CD72: variants seen among roughly 807,000 people sequenced by gnomAD.
CD72 encodes CD72 molecule.
A neutral mutation model predicts 50.7 loss-of-function variants in CD72; 28 were observed. That is an observed-to-expected ratio of 0.55 (90% CI 0.41 to 0.76). The LOEUF is 0.76. CD72 is among the 30% of genes least tolerant of loss of function. CD72 has a pLI of 0.00. For synonymous variants in CD72, 176 were observed against 171.2 expected (o/e 1.03, Z -0.22); for missense variants, 403 against 420.6 (o/e 0.96, Z 0.37).
At chr9:35,636,092 C>G (rs1223334592) in intron 1 of CD72, among the ~76,000 whole-genome samples, 4 of 152,122 alleles carry the variant, frequency 2.6e-5, no homozygotes, top group African/African-American at 9.7e-5. Context: ...ATTTCTCACC[C>G]TCAGCACTAT....
intron 4 of CD72, 79 bp downstream of exon 4, chr9:35,616,521 T>C: frequency 1.7e-6 from 2 of 1,199,812 alleles, no homozygotes; most frequent in African/African-American, 1.5e-5. Context: ...TGATCCCTGC[T>C]GAGGAAGATC....
chr9:35,624,684 G>C (rs915864490), intron 1 of CD72, among the ~76,000 whole-genome samples: 2 of 152,140 alleles, frequency 1.3e-5, no homozygotes, highest in Admixed American at 6.5e-5. Context: ...TTTACAGGTT[G>C]AAGGTTTATG....
At chr9:35,631,151 AT>A (rs1228646574) in intron 1 of CD72, among the ~76,000 whole-genome samples, 31 of 152,106 alleles carry the variant, frequency 2.0e-4, no homozygotes, top group African/African-American at 7.5e-4. Flanking sequence ...AAAACAATTT[AT>A]TTTCATTATA....
intron 1 of CD72, among the ~76,000 whole-genome samples, chr9:35,635,818 C>T (rs2131786607): frequency 6.6e-6 from 1 of 152,302 alleles, no homozygotes; most frequent in East Asian, 1.9e-4. Flanking sequence ...ATTCTCTCTG[C>T]TTGGAGCCCA....
upstream of CD72, among the ~76,000 whole-genome samples, chr9:35,620,103 C>T (rs1823131611): frequency 6.6e-6 from 1 of 151,774 alleles, no homozygotes; most frequent in Non-Finnish European, 1.5e-5. Context: ...CTGTGGTGTA[C>T]AGGGGGTGGG....
At chr9:35,622,965 G>A (rs1006154384), upstream of CD72, among the ~76,000 whole-genome samples, 1 of 152,036 alleles carries the variant, frequency 6.6e-6, no homozygotes, top group Non-Finnish European at 1.5e-5. Context: ...AAATTAGGCA[G>A]GTGTGATGGC....
At chr9:35,629,523 C>G (rs1478005823) in intron 1 of CD72, among the ~76,000 whole-genome samples, 2 of 152,134 alleles carry the variant, frequency 1.3e-5, no homozygotes, top group Non-Finnish European at 2.9e-5. Context: ...TTATTTGGTA[C>G]AGAGAATTGC....
At position 35,616,692 on chromosome 9, in the gene CD72, T is replaced by C; in HGVS notation, c.263-3A>G. 1 of 1,611,906 alleles carries C rather than the reference T, an allele frequency of 6.2e-7. No individual in the cohort carries two copies. Among genetic ancestry groups the C allele is most frequent in the Non-Finnish European group, 8.5e-7 (1 of 1,178,936 alleles). On this transcript the variant is annotated splice_region_variant and splice_polypyrimidine_tract_variant and intron_variant, in intron 3 of 8. Coordinates refer to ENST00000259633, the MANE Select transcript of CD72 (RefSeq NM_001782.3). ...GTATCGCAGGCAGGTTGTGCGGCCTTAGGGGGACAGTGGGATGGATGAGGG... is the reference window on the plus strand; with the variant it reads ...GTATCGCAGGCAGGTTGTGCGGCCTCAGGGGGACAGTGGGATGGATGAGGG...
intron 1 of CD72, among the ~76,000 whole-genome samples, chr9:35,642,179 G>T (rs547987104): frequency 6.6e-6 from 1 of 152,302 alleles, no homozygotes; most frequent in African/African-American, 2.4e-5. Flanking sequence ...ACCTCTAAAA[G>T]GTCCCCTCTA....
chr9:35,612,748 G>A (rs1048969192), intron 6 of CD72, 100 bp downstream of exon 6: 2 of 1,100,994 alleles, frequency 1.8e-6, no homozygotes, highest in East Asian at 2.4e-5. Context: ...GAAAAGGAAT[G>A]GCCACCCCAG....
At chr9:35,610,335 G>T in intron 8 of CD72, 35 bp from the exon 9 acceptor site, 1 of 339,298 alleles carries the variant, frequency 2.9e-6, no homozygotes, top group Non-Finnish European at 5.4e-6. Flanking sequence ...CTCCATGGTT[G>T]ACTTAACTGA....
At chr9:35,611,730 A>G in intron 7 of CD72, 74 bp downstream of exon 7, 1 of 819,528 alleles carries the variant, frequency 1.2e-6, no homozygotes, top group Non-Finnish European at 2.1e-6. Flanking sequence ...CCAGGTGGGA[A>G]GGAAATCTGA....
At chr9:35,610,563 C>T (rs1822963531) in intron 8 of CD72, 39 bp downstream of exon 8, 4 of 1,527,704 alleles carry the variant, frequency 2.6e-6, no homozygotes, top group East Asian at 2.4e-5. Flanking sequence ...CCCTCTGCCC[C>T]TGGACTCCCC....
At chr9:35,642,090 ATACC>A (rs1823345866) in intron 1 of CD72, among the ~76,000 whole-genome samples, 1 of 152,230 alleles carries the variant, frequency 6.6e-6, no homozygotes, top group Non-Finnish European at 1.5e-5. Context: ...TAACCACTGC[ATACC>A]CTGCTTTTCA....
intron 2 of CD72, 115 bp from the exon 3 acceptor site, chr9:35,617,362 G>C: frequency 8.6e-7 from 1 of 1,159,430 alleles, no homozygotes; most frequent in East Asian, 2.6e-5. Flanking sequence ...TACGTTGCCT[G>C]CTAGAGCTGC....
chr9:35,633,972 T>G (rs972686414), intron 1 of CD72, among the ~76,000 whole-genome samples: 4 of 152,250 alleles, frequency 2.6e-5, no homozygotes, highest in Non-Finnish European at 5.9e-5. Flanking sequence ...TTTATCACTT[T>G]AAGTGTGTTT....
In CD72 at chr9:35,611,743, A is replaced by G. The variant is rs950340997; in HGVS notation, c.950+61T>C. 28 of 894,362 alleles carry G rather than the reference A, an allele frequency of 3.1e-5. No individual in the cohort carries two copies. The Admixed American group carries it at 3.5e-4, about 11-fold the overall frequency. 55.4% of individuals were successfully genotyped at this position (894,362 alleles called of 1,614,324 possible). ...GACCAGGTGGGAAGGAAATCTGATT[A>G]CCATGTCTTTATGGAGGGGATTATG... On this transcript the variant is annotated intron_variant, in intron 7 of 8. Transcript: ENST00000259633.
intron 1 of CD72, among the ~76,000 whole-genome samples, chr9:35,628,032 G>A (rs192830902): frequency 3.3e-5 from 5 of 152,048 alleles, no homozygotes; most frequent in East Asian, 1.9e-4. Context: ...ACAAGGTTTC[G>A]CTATGTCGAC....
chr9:35,644,074 T>C (rs1823364296), intron 1 of CD72, among the ~76,000 whole-genome samples: 2 of 147,858 alleles, frequency 1.4e-5, no homozygotes, highest in South Asian at 4.3e-4. Context: ...AGGCCAGGCA[T>C]GGTGGCTCAT....
Sources: gnomAD v4.1 joint callset for allele counts (sites outside exome capture counted in the v4.1 genomes callset) on GRCh38, gnomAD v4.1.1 for gene constraint, MANE v1.5 for transcripts, NCBI Gene and HGNC (gene_info 2026-07-23, HGNC 2026-07-21) for gene names.